The following PACS1 variants were observed in gnomAD, a reference collection of about 807,000 sequenced individuals.
PACS1 encodes phosphofurin acidic cluster sorting protein 1.
PACS1 carries 24 observed loss-of-function variants against 115.0 expected under a neutral mutation model. The observed-to-expected ratio is 0.21, with a 90% CI of 0.15 to 0.29. The LOEUF (loss-of-function observed/expected upper bound fraction) is 0.29, where lower values mean the gene tolerates loss of function less well. Among genes scored for constraint, PACS1 ranks in the 10% least tolerant of loss-of-function variants. PACS1 has a pLI of 1.00. For synonymous variants in PACS1, 453 were observed against 504.5 expected, an observed-to-expected ratio of 0.90 and a Z score of 1.37; for missense variants, 838 against 1,251.2, an observed-to-expected ratio of 0.67 and a Z score of 4.98.
intron 1 of PACS1, among the ~76,000 whole-genome samples, chr11:66,083,272 T>C (rs1350128111): frequency 6.6e-6 from 1 of 152,196 alleles, no homozygotes; most frequent in Admixed American, 6.5e-5. Context: ...CACCAAGATA[T>C]GCAATAAATT....
chr11:66,120,210 C>T (rs561282533), intron 1 of PACS1, among the ~76,000 whole-genome samples: 6 of 146,606 alleles, frequency 4.1e-5, no homozygotes, highest in South Asian at 4.3e-4. Flanking sequence ...TGCAGTGGCA[C>T]GATCTCGGCT....
At chr11:66,082,445 C>T (rs1456683413) in intron 1 of PACS1, among the ~76,000 whole-genome samples, 1 of 152,118 alleles carries the variant, frequency 6.6e-6, no homozygotes, top group Non-Finnish European at 1.5e-5. Flanking sequence ...GATCCTCTCA[C>T]CTCAGCTTCG....
chr11:66,079,331 T>G (rs1050474647), intron 1 of PACS1, among the ~76,000 whole-genome samples: 1 of 146,548 alleles, frequency 6.8e-6, no homozygotes, highest in Non-Finnish European at 1.5e-5. Flanking sequence ...TAATAGTTTA[T>G]TGCTGGGAAA....
At chr11:66,130,338 T>C (rs1340703439) in intron 1 of PACS1, among the ~76,000 whole-genome samples, 1 of 152,012 alleles carries the variant, frequency 6.6e-6, no homozygotes, top group Non-Finnish European at 1.5e-5. Context: ...GAAAGGAGAG[T>C]TGAAGCAGAA....
At chr11:66,082,225 T>G (rs1857493383) in intron 1 of PACS1, among the ~76,000 whole-genome samples, 1 of 152,030 alleles carries the variant, frequency 6.6e-6, no homozygotes, top group Admixed American at 6.5e-5. Context: ...TTTTTTGGTT[T>G]TGTTTGTTTG....
intron 4 of PACS1, among the ~76,000 whole-genome samples, chr11:66,212,663 T>C (rs1419443897): frequency 8.5e-5 from 13 of 152,110 alleles, no homozygotes; most frequent in African/African-American, 3.1e-4. Context: ...AAAAATATTT[T>C]ACGAGGAGGT....
intron 1 of PACS1, among the ~76,000 whole-genome samples, chr11:66,078,172 G>A (rs1387526012): frequency 6.6e-6 from 1 of 152,102 alleles, no homozygotes; most frequent in African/African-American, 2.4e-5. Context: ...AACACTTTCA[G>A]TACTTTTAGT....
At chr11:66,219,947 G>C (rs1855303122) in intron 8 of PACS1, 142 bp downstream of exon 8, 7 of 719,960 alleles carry the variant, frequency 9.7e-6, no homozygotes, top group Non-Finnish European at 1.7e-5. Flanking sequence ...ACCTGGTAGA[G>C]CCCTAAGGGA....
chr11:66,076,195 C>T (rs1857394265), intron 1 of PACS1, among the ~76,000 whole-genome samples: 2 of 152,156 alleles, frequency 1.3e-5, no homozygotes, highest in Admixed American at 6.6e-5. Flanking sequence ...TTCACAGAGT[C>T]CATTTTACAT....
Position 66,174,791 on chromosome 11 carries a change from T to C in PACS1, c.357-18695T>C, listed in dbSNP as rs149316843. On this transcript the variant is annotated intron_variant, in intron 1 of 23. Transcript: ENST00000320580. ...TTTGATGATGAAAATATCCTAGTAC[T>C]GTATTGGGGTGATGGTTGCACTATC... Among the ~76,000 whole-genome samples, 700 of 152,290 alleles carry C rather than the reference T, an allele frequency of 4.6e-3. 5 individuals carry two copies. The highest frequency in any genetic ancestry group is 0.015 in the African/African-American group (626 of 41,574).
At chr11:66,156,204 TTATATATATATATATA>T (rs61270162) in intron 1 of PACS1, among the ~76,000 whole-genome samples, 4,997 of 84,962 alleles carry the variant, frequency 0.059, 230 homozygotes, top group Middle Eastern at 0.091. Flanking sequence ...ATTTTTTAAA[TTATATATATATATATA>T]TATATATATA....
At chr11:66,091,919 C>T (rs377532999) in intron 1 of PACS1, among the ~76,000 whole-genome samples, 1 of 152,038 alleles carries the variant, frequency 6.6e-6, no homozygotes, top group Non-Finnish European at 1.5e-5. Flanking sequence ...TCCAGTCTAT[C>T]ATTGTTGGAC....
intron 21 of PACS1, among the ~76,000 whole-genome samples, chr11:66,240,284 C>T (rs554481474): frequency 6.6e-5 from 10 of 151,878 alleles, no homozygotes; most frequent in Non-Finnish European, 1.5e-4. Context: ...CAGTTTAGAT[C>T]AAGGGTCCAG....
rs1038116989 is a variant in PACS1 at position 66,236,309 on chromosome 11, G to A, written c.2250+369G>A. On this transcript the variant is annotated intron_variant, in intron 19 of 23. Transcript: ENST00000320580. The surrounding 1 kb of genome is among the most constrained non-coding windows in gnomAD (Gnocchi z 4.2). Reference sequence around the variant, plus strand: ...AACTGTTCCTGGGTCCATCACTGATGTCTCCTGTTTATTACACCAGGCCCT... The same window carrying A: ...AACTGTTCCTGGGTCCATCACTGATATCTCCTGTTTATTACACCAGGCCCT... Among the ~76,000 whole-genome samples, 1 of 152,172 alleles carries A rather than the reference G, an allele frequency of 6.6e-6. No homozygotes were observed. The highest frequency in any genetic ancestry group is 1.5e-5 in the Non-Finnish European group (1 of 68,032).
intron 1 of PACS1, among the ~76,000 whole-genome samples, chr11:66,089,624 A>G (rs965543693): frequency 2.0e-5 from 3 of 152,182 alleles, no homozygotes; most frequent in African/African-American, 7.2e-5. Flanking sequence ...AGAAATAAGT[A>G]AATATAACTA....
chr11:66,221,019 G>A (rs1855332464), intron 9 of PACS1, 135 bp from the exon 10 acceptor site: 2 of 925,034 alleles, frequency 2.2e-6, no homozygotes, highest in Non-Finnish European at 3.5e-6. Flanking sequence ...TCTTCACCCT[G>A]CACTTCCCTG....
At position 66,236,223 on chromosome 11, in the gene PACS1, A is replaced by T. The variant is rs1855700527; in HGVS notation, c.2250+283A>T. 6.6e-6 allele frequency among the ~76,000 whole-genome samples: 1 copy of T among 152,140 alleles called. No homozygotes were observed. The highest frequency in any genetic ancestry group is 1.5e-5 in the Non-Finnish European group (1 of 68,024). On this transcript the variant is annotated intron_variant, in intron 19 of 23. Transcript: ENST00000320580. The surrounding 1 kb of genome is among the most constrained non-coding windows in gnomAD (Gnocchi z 4.2). ...AAGTGTCAGTAGTGCAGAGGTGGAG[A>T]AACCCTGGGCCGGACATGGATTGGG...
intron 1 of PACS1, among the ~76,000 whole-genome samples, chr11:66,114,004 C>G (rs1234951350): frequency 6.6e-6 from 1 of 152,176 alleles, no homozygotes; most frequent in Admixed American, 6.5e-5. Flanking sequence ...AAGAGTTCGG[C>G]AGACATTCTT....
At chr11:66,118,472 T>A (rs1217890446) in intron 1 of PACS1, among the ~76,000 whole-genome samples, 1 of 151,822 alleles carries the variant, frequency 6.6e-6, no homozygotes, top group Non-Finnish European at 1.5e-5. Flanking sequence ...ATCAGCCAGA[T>A]GTGGTTGTGT....
Sources: gnomAD v4.1 joint callset for allele counts (sites outside exome capture counted in the v4.1 genomes callset) on GRCh38, gnomAD v4.1.1 for gene constraint, Gnocchi (gnomAD v3.1) non-coding constraint, MANE v1.5 for transcripts, NCBI Gene and HGNC (gene_info 2026-07-23, HGNC 2026-07-21) for gene names.